Variants in CPAMD8 observed in about 807,000 individuals in gnomAD.
CPAMD8 encodes the protein C3 and PZP-like alpha-2-macroglobulin domain-containing protein 8.
A neutral mutation model predicts 224.7 loss-of-function variants in CPAMD8; 146 were observed. That is an observed-to-expected ratio of 0.65 (90% CI 0.57 to 0.75). The LOEUF is 0.75. Among genes scored for constraint, CPAMD8 ranks in the 30% least tolerant of loss-of-function variants. The pLI is 0.00. For synonymous variants in CPAMD8, 966 were observed against 1,044.6 expected (o/e 0.92, Z 1.45); for missense variants, 2,301 against 2,537.5 (o/e 0.91, Z 2.00).
At chr19:16,917,036 T>G (rs1336295888) in intron 27 of CPAMD8, among the ~76,000 whole-genome samples, 1 of 152,190 alleles carries the variant, frequency 6.6e-6, no homozygotes. Flanking sequence ...TCTAGCATAC[T>G]GTGCTCTCTA....
intron 18 of CPAMD8, among the ~76,000 whole-genome samples, chr19:16,958,754 C>T (rs2054554204): frequency 6.6e-6 from 1 of 152,046 alleles, no homozygotes; most frequent in Non-Finnish European, 1.5e-5. Flanking sequence ...CATAGCATCC[C>T]CTTTTCTCCA....
At chr19:16,979,081 TC>T (rs570866490) in intron 14 of CPAMD8, among the ~76,000 whole-genome samples, 84 of 146,778 alleles carry the variant, frequency 5.7e-4, no homozygotes, top group Non-Finnish European at 8.8e-4. Context: ...CCATCCATCA[TC>T]CCCCATTCAT....
At position 16,902,809 on chromosome 19, in the gene CPAMD8, G is replaced by A. The variant is rs2052316377; in HGVS notation, c.4525C>T (p.Leu1509Phe). ...DPVAKPAFQL[L>F]VSLQEPEAQG... is the part of the protein sequence containing the mutation. ...GCCTCAGGCTCCTGGAGGCTTACGAGCAGCTGGAAAGCTGGCTTGGCCACC... is the reference window on the plus strand; with the variant it reads ...GCCTCAGGCTCCTGGAGGCTTACGAACAGCTGGAAAGCTGGCTTGGCCACC... The change falls in exon 35 of 42, where the codon CTC (leucine) becomes TTC (phenylalanine). Residue 1509 changes from leucine to phenylalanine, a missense_variant. By Grantham distance (22) the Leu-to-Phe change is conservative. Coordinates refer to ENST00000443236, the MANE Select transcript of CPAMD8 (RefSeq NM_015692.5). 4 of 1,572,552 alleles carry A rather than the reference G, an allele frequency of 2.5e-6. No individual in the cohort carries two copies. The highest frequency in any genetic ancestry group is 3.5e-6 in the Non-Finnish European group (4 of 1,155,656).
chr19:17,002,933 T>G (rs2056378718), intron 8 of CPAMD8, among the ~76,000 whole-genome samples: 1 of 150,828 alleles, frequency 6.6e-6, no homozygotes. Context: ...AGACAGATTG[T>G]CACTGTGTTT....
At chr19:16,897,454 G>A in intron 39 of CPAMD8, 1 of 545,062 alleles carries the variant, frequency 1.8e-6, no homozygotes, top group Non-Finnish European at 3.2e-6. Flanking sequence ...CCATTCCCCA[G>A]CCACTTCCCT....
Position 16,948,477 on chromosome 19 carries a change from T to C in CPAMD8, c.2509-1250A>G, listed in dbSNP as rs2054178218. Among the ~76,000 whole-genome samples, 5 of 152,090 alleles carry C rather than the reference T, an allele frequency of 3.3e-5. No homozygotes were observed. The South Asian group carries it at 1.0e-3, about 32-fold the overall frequency. Reference sequence around the variant, plus strand: ...GAAGAAAGAAAGAGGCTGGGTGCGGTGGCTCACACCTGTAATCCCAGCACT... The same window carrying C: ...GAAGAAAGAAAGAGGCTGGGTGCGGCGGCTCACACCTGTAATCCCAGCACT... On this transcript the variant is annotated intron_variant, in intron 20 of 41. Coordinates refer to ENST00000443236, the MANE Select transcript of CPAMD8 (RefSeq NM_015692.5).
intron 25 of CPAMD8, among the ~76,000 whole-genome samples, chr19:16,925,822 C>T (rs894122436): frequency 3.9e-5 from 6 of 151,998 alleles, no homozygotes; most frequent in Admixed American, 6.6e-5. Context: ...GGCACAATCT[C>T]GGTTCACTGC....
intron 13 of CPAMD8, among the ~76,000 whole-genome samples, chr19:16,988,207 C>T (rs2055813470): frequency 1.3e-5 from 2 of 152,168 alleles, no homozygotes; most frequent in African/African-American, 4.8e-5. Context: ...AGTGGGGAAT[C>T]TGGCCCCATA....
chr19:16,958,010 C>G, intron 18 of CPAMD8, 95 bp from the exon 19 acceptor site: 1 of 1,149,048 alleles, frequency 8.7e-7, no homozygotes, highest in African/African-American at 1.5e-5. Context: ...TCAGATATAA[C>G]GCGTTAATTT....
chr19:16,991,806 G>A (rs2055961128), intron 12 of CPAMD8, among the ~76,000 whole-genome samples: 1 of 151,522 alleles, frequency 6.6e-6, no homozygotes, highest in South Asian at 2.1e-4. Flanking sequence ...AGTGAGCCAA[G>A]ATTGCACCAC....
chr19:16,918,648 T>C (rs183772609), intron 27 of CPAMD8, among the ~76,000 whole-genome samples: 1 of 152,048 alleles, frequency 6.6e-6, no homozygotes, highest in African/African-American at 2.4e-5. Context: ...GGTCTTGCCA[T>C]GTTTCTCAGG....
At chr19:16,978,311 C>T (rs2055355040) in intron 14 of CPAMD8, among the ~76,000 whole-genome samples, 1 of 152,152 alleles carries the variant, frequency 6.6e-6, no homozygotes, top group Non-Finnish European at 1.5e-5. Context: ...ACCCCCAAGT[C>T]ACAGCCCATT....
rs372474221 is a variant in CPAMD8 at position 16,975,139 on chromosome 19, C to T, written c.2028G>A (p.Pro676=). The T allele has an allele frequency of 8.7e-5, 141 of 1,612,844 alleles. No homozygotes were observed. The highest frequency in any genetic ancestry group is 1.1e-4 in the Non-Finnish European group (127 of 1,179,700). The part of the protein sequence containing the change: ...AQRRRRSSVF[P]WPWGITKDSG... ...AGTCCTTGGTGATGCCCCAAGGCCA[C>T]GGGAAGACAGAGGAGCGCCGGCGTC... Residue 676 remains proline (P), a synonymous_variant, in exon 17 of 42, where the codon CCG becomes CCA. Transcript: ENST00000443236.
chr19:17,000,196 GTCATCCCAGCACTTT>G, intron 10 of CPAMD8: 1 of 272,948 alleles, frequency 3.7e-6, no homozygotes, highest in Non-Finnish European at 6.4e-6. Context: ...GCTCACACTT[GTCATCCCAGCACTTT>G]TGGGGGCAAA....
chr19:17,026,600 G>C lies in CPAMD8; in HGVS notation c.43C>G (p.Leu15Val). Reference protein sequence around the residue: ...LLWPLLPLLLLLLSARDGVRA... With the variant: ...LLWPLLPLLLVLLSARDGVRA... Reference sequence around the variant, plus strand: ...ACGCCGTCCCGCGCCGACAGCAGCAGGAGCAGGAGCGGGAGCAACGGCCAG... The same window carrying C: ...ACGCCGTCCCGCGCCGACAGCAGCACGAGCAGGAGCGGGAGCAACGGCCAG... Residue 15 changes from leucine to valine, a missense_variant, in exon 1 of 42, where the codon CTG (leucine) becomes GTG (valine). Coordinates refer to ENST00000443236, the MANE Select transcript of CPAMD8 (RefSeq NM_015692.5). 1 of 1,522,034 alleles carries C rather than the reference G, an allele frequency of 6.6e-7. No homozygotes were observed. The highest frequency in any genetic ancestry group is 8.7e-7 in the Non-Finnish European group (1 of 1,143,322). 94.3% of individuals were successfully genotyped at this position (1,522,034 alleles called of 1,614,324 possible).
intron 20 of CPAMD8, among the ~76,000 whole-genome samples, chr19:16,950,645 T>C (rs2054267482): frequency 6.6e-6 from 1 of 151,276 alleles, no homozygotes; most frequent in Non-Finnish European, 1.5e-5. Context: ...ATAAAATAAT[T>C]AGCCAGGCAT....
At chr19:17,005,189 T>C (rs1209110012) in intron 7 of CPAMD8, among the ~76,000 whole-genome samples, 107 of 124,158 alleles carry the variant, frequency 8.6e-4, no homozygotes, top group Middle Eastern at 0.013. Flanking sequence ...CCCCCAGACA[T>C]TGCCAATATC....
chr19:17,000,639 C>T (rs1400054899), intron 9 of CPAMD8, 117 bp from the exon 10 acceptor site: 2 of 599,676 alleles, frequency 3.3e-6, no homozygotes, highest in Non-Finnish European at 6.1e-6. Flanking sequence ...GATGCAGCTC[C>T]CTCCACACCC....
chr19:16,990,106 T>G (rs2055887697), intron 12 of CPAMD8, among the ~76,000 whole-genome samples: 1 of 151,306 alleles, frequency 6.6e-6, no homozygotes, highest in Non-Finnish European at 1.5e-5. Context: ...ATACAAAAAT[T>G]AGCCAGGAGT....
Sources: allele counts gnomAD v4.1 joint callset (sites outside exome capture counted in the v4.1 genomes callset), GRCh38; gene constraint gnomAD v4.1.1; transcripts MANE v1.5; gene names NCBI Gene and HGNC (gene_info 2026-07-23, HGNC 2026-07-21).